ACSBG2: variants seen among roughly 807,000 people sequenced by gnomAD.
ACSBG2 encodes the protein acyl-CoA synthetase bubblegum family member 2.
ACSBG2 carries 62 observed loss-of-function variants against 74.7 expected under a neutral mutation model. The observed-to-expected ratio is 0.83, with a 90% CI of 0.68 to 1.03. ACSBG2 has a LOEUF of 1.03. Ranked by LOEUF, ACSBG2 falls within the 50% of genes least tolerant of loss-of-function variation. ACSBG2 has a pLI of 0.00. For missense variants in ACSBG2, 730 were observed against 817.6 expected (o/e 0.89, Z 1.31); for synonymous variants, 309 against 294.1 (o/e 1.05, Z -0.52).
At chr19:6,154,402 AAGAGAGAGAGAGAG>A (rs547084046) in intron 4 of ACSBG2, among the ~76,000 whole-genome samples, 20 of 83,298 alleles carry the variant, frequency 2.4e-4, no homozygotes, top group Non-Finnish European at 3.9e-4. Context: ...CCGTCTCAAA[AAGAGAGAGAGAGAG>A]AGAGAGAGAG....
intron 1 of ACSBG2, among the ~76,000 whole-genome samples, chr19:6,136,760 C>A (rs1403714491): frequency 1.3e-5 from 2 of 152,110 alleles, no homozygotes; most frequent in Non-Finnish European, 2.9e-5. Context: ...TATCTGTGTG[C>A]CCTTTTCACT....
intron 1 of ACSBG2, among the ~76,000 whole-genome samples, chr19:6,140,478 G>A (rs903642214): frequency 1.3e-5 from 2 of 152,098 alleles, no homozygotes; most frequent in East Asian, 3.9e-4. Context: ...TTGGGAGTTC[G>A]AAACCAACCT....
intron 11 of ACSBG2, 99 bp downstream of exon 11, chr19:6,185,752 C>T: frequency 7.9e-7 from 1 of 1,266,322 alleles, no homozygotes; most frequent in Non-Finnish European, 1.1e-6. Context: ...CCCAGTTCCT[C>T]ACCTTCCAAG....
chr19:6,166,714 T>C (rs1218163712), intron 7 of ACSBG2, among the ~76,000 whole-genome samples: 2 of 151,968 alleles, frequency 1.3e-5, no homozygotes, highest in Non-Finnish European at 2.9e-5. Context: ...CTCCACTCAC[T>C]GCAACCACTG....
chr19:6,178,849 G>A (rs1481835998), intron 8 of ACSBG2, among the ~76,000 whole-genome samples: 3 of 152,110 alleles, frequency 2.0e-5, no homozygotes, highest in African/African-American at 7.2e-5. Context: ...TAGGCTGGGG[G>A]AAAAAACAAG....
At chr19:6,179,508 C>T (rs1045911515) in intron 8 of ACSBG2, among the ~76,000 whole-genome samples, 71 of 152,028 alleles carry the variant, frequency 4.7e-4, no homozygotes, top group African/African-American at 1.7e-3. Context: ...ACTTTGCAAA[C>T]GGAGCCAGAA....
In ACSBG2 at chr19:6,177,283, G is replaced by A; in HGVS notation, c.793G>A (p.Glu265Lys). The change falls in exon 8 of 15, where the codon GAG becomes AAG. Residue 265 changes from glutamate to lysine, a missense_variant. Glu to Lys is a moderately conservative substitution (Grantham distance 56). Transcript: ENST00000588485. ...TKDFKLTDKH[E>K]TVVSYLPLSH... ...GGACTTTAAACTGACAGACAAGCAT[G>A]AGACGGTGGTTAGCTACCTCCCACT... 1 of 1,614,130 alleles carries A rather than the reference G, an allele frequency of 6.2e-7. No individual in the cohort carries two copies. Among genetic ancestry groups the A allele is most frequent in the Non-Finnish European group, 8.5e-7 (1 of 1,180,018 alleles).
rs574621358 is a variant in ACSBG2 at position 6,149,924 on chromosome 19, G to T, written c.298-1783G>T. On this transcript the variant is annotated intron_variant, in intron 3 of 14. Coordinates refer to ENST00000588485, the MANE Select transcript of ACSBG2 (RefSeq NM_030924.5). Reference sequence around the variant, plus strand: ...CTCCCAAAGTGCTGGGATTACAGGCGTGAGCCACCACGCCTGTAATTTTTT... The same window carrying T: ...CTCCCAAAGTGCTGGGATTACAGGCTTGAGCCACCACGCCTGTAATTTTTT... 2.0e-3 allele frequency among the ~76,000 whole-genome samples: 305 copies of T among 151,414 alleles called. 1 individual carries two copies. Among genetic ancestry groups the T allele is most frequent in the Non-Finnish European group, 3.8e-3 (259 of 67,922 alleles).
At chr19:6,163,728 C>T (rs1254026941) in intron 6 of ACSBG2, among the ~76,000 whole-genome samples, 3 of 147,488 alleles carry the variant, frequency 2.0e-5, no homozygotes, top group Non-Finnish European at 4.5e-5. Flanking sequence ...GCACTCCAGC[C>T]TGGGCGACAG....
intron 4 of ACSBG2, 22 bp from the exon 5 acceptor site, chr19:6,156,409 C>G: frequency 1.9e-6 from 3 of 1,577,644 alleles, no homozygotes; most frequent in Middle Eastern, 1.7e-4. Context: ...GATGCACACA[C>G]GAATTTGTTT....
At chr19:6,181,821 C>CG (rs1555696902) in intron 8 of ACSBG2, among the ~76,000 whole-genome samples, 1 of 122,750 alleles carries the variant, frequency 8.1e-6, no homozygotes, top group Admixed American at 8.3e-5. Flanking sequence ...CCGCCCCCCC[C>CG]CCCAACGAAA....
At position 6,185,407 on chromosome 19, in the gene ACSBG2, C is replaced by A. The variant is rs765810252; in HGVS notation, c.1323-29C>A. 1.7e-5 allele frequency: 28 copies of A among 1,611,718 alleles called. No homozygotes were observed. The African/African-American group carries it at 2.1e-4, about 12-fold the overall frequency. On this transcript the variant is annotated intron_variant, in intron 10 of 14. Coordinates refer to ENST00000588485, the MANE Select transcript of ACSBG2 (RefSeq NM_030924.5). ...GGGTGGCTGACTTTGTCCCTATGAG[C>A]CTGTTTCTCTGCTTCTGTCCCCTGG...
chr19:6,187,002 G>GTT (rs1011907904), intron 11 of ACSBG2, among the ~76,000 whole-genome samples: 6,540 of 130,618 alleles, frequency 0.05, 288 homozygotes, highest in African/African-American at 0.11. Context: ...TGGCCACTAG[G>GTT]TTTTTTTTTT....
chr19:6,189,215 C>A (rs988258528), intron 13 of ACSBG2, among the ~76,000 whole-genome samples: 7 of 152,112 alleles, frequency 4.6e-5, no homozygotes, highest in African/African-American at 1.7e-4. Flanking sequence ...GGCTTGCCAT[C>A]GTCCTTAATA....
In ACSBG2 at chr19:6,165,983, A is replaced by G; in HGVS notation, c.706A>G (p.Ile236Val). The G allele has an allele frequency of 6.2e-7, 1 of 1,614,152 alleles. No individual in the cohort carries two copies. Among genetic ancestry groups the G allele is most frequent in the Middle Eastern group, 1.6e-4 (1 of 6,062 alleles). ...CATCTACACTTCAGGGACCACAGGC[A>G]TACCCAAGGGAGTGATGCTCAGTCA... ...VLIYTSGTTG[I>V]PKGVMLSHDN... Residue 236 changes from isoleucine (I) to valine (V), a missense_variant, in exon 7 of 15, where the codon ATA (isoleucine) becomes GTA (valine). Physicochemically the swap from Ile to Val is conservative, Grantham distance 29. Transcript: ENST00000588485.
intron 2 of ACSBG2, among the ~76,000 whole-genome samples, chr19:6,145,864 T>C (rs904068399): frequency 2.6e-5 from 4 of 152,196 alleles, no homozygotes; most frequent in African/African-American, 9.6e-5. Flanking sequence ...GTGTGTTTCT[T>C]ACTCATGTTG....
chr19:6,185,530 A>C lies in ACSBG2; in HGVS notation c.1417A>C (p.Met473Leu). ...CTGCCTCTGGGGTAGGCACATCTTC[A>C]TGGGCTATCTGGAAAGTGAGACTGA... ...EICLWGRHIFMGYLESETETT... is the reference protein window; with the variant it reads ...EICLWGRHIFLGYLESETETT... Residue 473 changes from methionine to leucine, a missense_variant, in exon 11 of 15, where the codon ATG (methionine) becomes CTG (leucine). Met to Leu is a conservative substitution (Grantham distance 15, BLOSUM62 2). Transcript: ENST00000588485. 1 of 1,614,232 alleles carries C rather than the reference A, an allele frequency of 6.2e-7. No homozygotes were observed. The highest frequency in any genetic ancestry group is 8.5e-7 in the Non-Finnish European group (1 of 1,180,046).
chr19:6,187,622 A>T lies in ACSBG2; in HGVS notation c.1704A>T (p.Gly568=). Residue 568 remains glycine (G), a synonymous_variant, in exon 13 of 15, where the codon GGA becomes GGT. Transcript: ENST00000588485. The stretch of plus-strand genomic sequence containing the variant: ...AGTGTGAGATGAATCAGATGAGCGG[A>T]GAACCTCTGGACAAGCTGAACTTCG... The part of the protein sequence containing the change: ...TLKCEMNQMS[G]EPLDKLNFEA... The T allele has an allele frequency of 6.2e-7, 1 of 1,614,074 alleles. No homozygotes were observed. The highest frequency in any genetic ancestry group is 8.5e-7 in the Non-Finnish European group (1 of 1,180,016).
chr19:6,181,809 A>ACCC (rs1487682988), intron 8 of ACSBG2, among the ~76,000 whole-genome samples: 36 of 28,348 alleles, frequency 1.3e-3, no homozygotes, highest in South Asian at 2.1e-3. Flanking sequence ...AATAGTCCCC[A>ACCC]CCCGCCCCCC....
Sources: gnomAD v4.1 joint callset for allele counts (sites outside exome capture counted in the v4.1 genomes callset) on GRCh38, gnomAD v4.1.1 for gene constraint, MANE v1.5 for transcripts, NCBI Gene and HGNC (gene_info 2026-07-23, HGNC 2026-07-21) for gene names.